The following ITGA10 variants were observed in gnomAD, a reference collection of about 807,000 sequenced individuals.
The protein encoded by ITGA10 is integrin alpha-10.
Under a neutral mutation model 145.2 loss-of-function variants are expected in ITGA10, and 105 were observed. That is an observed-to-expected ratio of 0.72 (90% CI 0.62 to 0.85). The LOEUF (loss-of-function observed/expected upper bound fraction) is 0.85, where lower values mean the gene tolerates loss of function less well. Among genes scored for constraint, ITGA10 ranks in the 40% least tolerant of loss-of-function variants. The pLI, the probability that ITGA10 is intolerant of heterozygous loss-of-function variation, is 0.00. For missense variants in ITGA10, 1,317 were observed against 1,444.5 expected, an observed-to-expected ratio of 0.91 and a Z score of 1.43; for synonymous variants, 506 against 557.8, an observed-to-expected ratio of 0.91 and a Z score of 1.31.
chr1:145,903,002 G>GACACAC (rs34766827), intron 7 of ITGA10, 41 bp from the exon 8 acceptor site: 9 of 1,097,522 alleles, frequency 8.2e-6, no homozygotes, highest in East Asian at 2.8e-5. Context: ...GATGTATGCA[G>GACACAC]ACACACACAC....
chr1:145,898,941 C>T lies in ITGA10; in HGVS notation c.2227G>A (p.Val743Met). The change falls in exon 17 of 30, where the codon GTG becomes ATG. Residue 743 changes from valine (V) to methionine (M), a missense_variant. By Grantham distance (21) the Val-to-Met change is conservative. Coordinates refer to ENST00000369304, the MANE Select transcript of ITGA10 (RefSeq NM_003637.5). ...NVTCEQLHFH[V>M]LDTSDYLRPV... ...AGTTACTGCCCTCTCCTTACCAGCACATGGAAGTGTAGCTGCTCACAAGTG... is the reference window on the plus strand; with the variant it reads ...AGTTACTGCCCTCTCCTTACCAGCATATGGAAGTGTAGCTGCTCACAAGTG... The T allele has an allele frequency of 6.2e-7, 1 of 1,613,726 alleles. No individual in the cohort carries two copies. Among genetic ancestry groups the T allele is most frequent in the South Asian group, 1.1e-5 (1 of 91,040 alleles).
chr1:145,901,453 C>G lies in ITGA10; in HGVS notation c.1443+63G>C, dbSNP rs1354709949. 74 of 1,513,480 alleles carry G rather than the reference C, an allele frequency of 4.9e-5. No individual in the cohort carries two copies. The highest frequency in any genetic ancestry group is 6.5e-5 in the Non-Finnish European group (73 of 1,129,488). The allele number at this position is 1,513,480 out of a possible 1,614,324, so 93.8% of individuals were successfully genotyped here. A position where few individuals can be genotyped will look rare whatever the true frequency, so the allele number is the denominator to read the frequency against. ...GCCTCTCTCTTACCCACTTCACACT[C>G]CTCCCCAACAGCCCAGAGGTCCCTG... On this transcript the variant is annotated intron_variant, in intron 12 of 29. Transcript: ENST00000369304. The surrounding 1 kb of genome is among the most constrained non-coding windows in gnomAD (Gnocchi z 4.3).
chr1:145,909,552 TTA>T (rs1418942191), intron 1 of ITGA10, among the ~76,000 whole-genome samples: 4 of 133,948 alleles, frequency 3.0e-5, no homozygotes, highest in South Asian at 4.2e-4. Flanking sequence ...ATGTTATATA[TTA>T]TATGTATATT....
intron 1 of ITGA10, among the ~76,000 whole-genome samples, chr1:145,908,376 GT>G (rs1436440171): frequency 3.9e-5 from 6 of 152,060 alleles, no homozygotes; most frequent in Non-Finnish European, 7.4e-5. Flanking sequence ...CACACACATA[GT>G]TTGCCATCCA....
rs1656623352 is a variant in ITGA10 at position 145,903,159 on chromosome 1, C to T, written c.759-198G>A. Among the ~76,000 whole-genome samples, 3 of 152,050 alleles carry T rather than the reference C, an allele frequency of 2.0e-5. No individual in the cohort carries two copies. The South Asian group carries it at 6.2e-4, about 32-fold the overall frequency. On this transcript the variant is annotated intron_variant, in intron 7 of 29. Transcript: ENST00000369304. ...ACATGGAGATGGCATGGAGTGAGAG[C>T]TCAAATGTTTGAAGGTCATAGAACA...
rs781811414 is a variant in ITGA10 at position 145,904,708 on chromosome 1, C to G, written c.585G>C (p.Leu195=). ...QTFLRRLVGK[L]FIDPEQIQVG... is the part of the protein sequence containing the mutation. ...CCTGTATCTGTTCTGGGTCAATAAA[C>G]AGTTTCCCTACCAGTCTTCGTAGGA... Residue 195 remains leucine (L), a synonymous_variant, in exon 6 of 30, where the codon CTG becomes CTC. Coordinates refer to ENST00000369304, the MANE Select transcript of ITGA10 (RefSeq NM_003637.5). 1 of 1,613,996 alleles carries G rather than the reference C, an allele frequency of 6.2e-7. No individual in the cohort carries two copies. Among genetic ancestry groups the G allele is most frequent in the South Asian group, 1.1e-5 (1 of 91,080 alleles).
rs1655856341 is a variant in ITGA10, at chr1:145,899,079, C to A, written c.2090-1G>T. 1 of 1,614,128 alleles carries A rather than the reference C, an allele frequency of 6.2e-7. No individual in the cohort carries two copies. Among genetic ancestry groups the A allele is most frequent in the Non-Finnish European group, 8.5e-7 (1 of 1,180,054 alleles). On this transcript the variant is annotated splice_acceptor_variant, in intron 16 of 29. Transcript: ENST00000369304. LOFTEE classifies it high-confidence loss of function. ...TCCAGTGATGCGGTGAACCTCATGT[C>A]TGAATGAAGGAGGCAAGAGTGAGGG...
chr1:145,893,710 G>T, intron 27 of ITGA10, 75 bp from the exon 28 acceptor site: 1 of 1,150,198 alleles, frequency 8.7e-7, no homozygotes, highest in Non-Finnish European at 1.3e-6. Flanking sequence ...AATCCCAACA[G>T]CAAAGTTGAG....
At chr1:145,903,916 T>C in intron 7 of ITGA10, 136 bp downstream of exon 7, 1 of 893,242 alleles carries the variant, frequency 1.1e-6, no homozygotes, top group Non-Finnish European at 1.7e-6. Context: ...CTCGAACTCC[T>C]GACCTCAGGT....
In ITGA10 at chr1:145,907,462, A is replaced by T; in HGVS notation, c.56T>A (p.Leu19His). 3.7e-6 allele frequency: 6 copies of T among 1,614,142 alleles called. No homozygotes were observed. Among genetic ancestry groups the T allele is most frequent in the Non-Finnish European group, 5.1e-6 (6 of 1,180,028 alleles). The change falls in exon 2 of 30, where the codon CTC (leucine) becomes CAC (histidine). Residue 19 changes from leucine (L) to histidine (H), a missense_variant. Physicochemically the swap from Leu to His is moderately conservative, Grantham distance 99. Coordinates refer to ENST00000369304, the MANE Select transcript of ITGA10 (RefSeq NM_003637.5). ...LFLPLVFLTGLCSPFNLDEHH... is the reference protein window; with the variant it reads ...LFLPLVFLTGHCSPFNLDEHH... Reference sequence around the variant, plus strand: ...TTCATCCAGGTTAAAGGGGGAGCAGAGACCTGTGGGGTCAGGATCATAATG... The same window carrying T: ...TTCATCCAGGTTAAAGGGGGAGCAGTGACCTGTGGGGTCAGGATCATAATG...
At chr1:145,895,911 TGTG>T (rs1339667428) in intron 25 of ITGA10, 69 bp downstream of exon 25, 2 of 1,209,144 alleles carry the variant, frequency 1.7e-6, no homozygotes, top group African/African-American at 3.0e-5. Context: ...AGGGAGCTGG[TGTG>T]GTGTCCAGCT....
intron 25 of ITGA10, 116 bp from the exon 26 acceptor site, chr1:145,895,827 C>T: frequency 9.3e-7 from 1 of 1,074,086 alleles, no homozygotes. Flanking sequence ...CCTTTTTCTT[C>T]TCTCTAATAA....
At chr1:145,894,399 C>A (rs587734834) in intron 27 of ITGA10, among the ~76,000 whole-genome samples, 120 of 152,166 alleles carry the variant, frequency 7.9e-4, no homozygotes, top group African/African-American at 2.8e-3. Context: ...CGTGAGCCAC[C>A]GCGCCCGGCC....
intron 6 of ITGA10, 70 bp from the exon 7 acceptor site, chr1:145,904,270 T>G: frequency 6.8e-7 from 1 of 1,474,736 alleles, no homozygotes; most frequent in Non-Finnish European, 9.5e-7. Flanking sequence ...GAAGAAAGTA[T>G]ATAAGAGAGG....
At position 145,900,935 on chromosome 1, in the gene ITGA10, A is replaced by C. The variant is rs782725034; in HGVS notation, c.1646T>G (p.Phe549Cys). ...AGGAAGAGCTCCCATGGCAAAGCCA[A>C]ACCGAGCATCCTGGGGGGGTTCTGG... ...LQPEPPQDAR[F>C]GFAMGALPDL... The change falls in exon 14 of 30, where the codon TTT becomes TGT. Residue 549 changes from phenylalanine (F) to cysteine (C), a missense_variant. Phe to Cys is a radical substitution (Grantham distance 205, BLOSUM62 -2). Transcript: ENST00000369304. 1 of 1,614,186 alleles carries C rather than the reference A, an allele frequency of 6.2e-7. No individual in the cohort carries two copies. The highest frequency in any genetic ancestry group is 2.2e-5 in the East Asian group (1 of 44,884).
Position 145,900,975 on chromosome 1 carries a change from G to A in ITGA10, c.1606C>T (p.Gln536Ter), listed in dbSNP as rs1345002448. The change falls in exon 14 of 30, where the codon CAA becomes TAA. Residue 536 changes from glutamine (Q) to a stop codon, truncating the protein, a stop_gained. Coordinates refer to ENST00000369304, the MANE Select transcript of ITGA10 (RefSeq NM_003637.5). LOFTEE classifies it high-confidence loss of function. ...GGGGGTTCTGGCTGAAGTGTTCCTT[G>A]GAGGGTCAGCAAGGACTGCTGGTGG... Reference protein sequence around the residue: ...LVGQQSLLTLQGTLQPEPPQD... With the variant: ...LVGQQSLLTL 4 of 1,613,984 alleles carry A rather than the reference G, an allele frequency of 2.5e-6. No homozygotes were observed. The highest frequency in any genetic ancestry group is 3.3e-5 in the Admixed American group (2 of 59,982).
chr1:145,895,671 G>A lies in ITGA10; in HGVS notation c.3074C>T (p.Pro1025Leu), dbSNP rs868935947. 6.2e-7 allele frequency: 1 copy of A among 1,614,206 alleles called. No homozygotes were observed. The highest frequency in any genetic ancestry group is 8.5e-7 in the Non-Finnish European group (1 of 1,180,028). Residue 1025 changes from proline to leucine, a missense_variant, in exon 26 of 30, where the codon CCA (proline) becomes CTA (leucine). Physicochemically the swap from Pro to Leu is moderately conservative, Grantham distance 98. Transcript: ENST00000369304. ...IVQNLTEPPGPPVHPEELQHT... is the reference protein window; with the variant it reads ...IVQNLTEPPGLPVHPEELQHT... ...TTGAAGCTCCTCTGGATGCACAGGT[G>A]GGCCTGGGGGTTCAGTCAGGTTCTG...
At chr1:145,909,670 TTA>T (rs1161141407) in intron 1 of ITGA10, among the ~76,000 whole-genome samples, 2 of 129,230 alleles carry the variant, frequency 1.5e-5, no homozygotes, top group African/African-American at 2.8e-5. Context: ...TTGTTATATA[TTA>T]TATGTATATT....
In ITGA10 at chr1:145,901,863, T is replaced by A. The variant is rs1656370448; in HGVS notation, c.1294+14A>T. 6.2e-7 allele frequency: 1 copy of A among 1,613,876 alleles called. No homozygotes were observed. The highest frequency in any genetic ancestry group is 8.5e-7 in the Non-Finnish European group (1 of 1,179,956). ...CCCTACCCTGTAAGTCCTCTGCAAC[T>A]CTCTGCTGCTCACCCAGGTAGGCTG... is the stretch of plus-strand genomic sequence containing the variant. On this transcript the variant is annotated intron_variant, in intron 11 of 29. Coordinates refer to ENST00000369304, the MANE Select transcript of ITGA10 (RefSeq NM_003637.5). The surrounding 1 kb of genome is among the most constrained non-coding windows in gnomAD (Gnocchi z 4.3).
Sources: allele counts gnomAD v4.1 joint callset (sites outside exome capture counted in the v4.1 genomes callset), GRCh38; gene constraint gnomAD v4.1.1; non-coding constraint Gnocchi (gnomAD v3.1); transcripts MANE v1.5; gene names NCBI Gene and HGNC (gene_info 2026-07-23, HGNC 2026-07-21).